ARHGAP42: variants seen among roughly 807,000 people sequenced by gnomAD.
The protein encoded by ARHGAP42 is Rho GTPase activating protein 42.
ARHGAP42 carries 63 observed loss-of-function variants against 125.0 expected under a neutral mutation model. The observed-to-expected ratio is 0.50, with a 90% CI of 0.41 to 0.62. The LOEUF (loss-of-function observed/expected upper bound fraction) is 0.62. Ranked by LOEUF, ARHGAP42 falls within the 20% of genes least tolerant of loss-of-function variation. The pLI, the probability that ARHGAP42 is intolerant of heterozygous loss-of-function variation, is 0.00. For synonymous variants in ARHGAP42, 339 were observed against 351.0 expected (o/e 0.97, Z 0.38); for missense variants, 766 against 1,024.2 (o/e 0.75, Z 3.44).
At chr11:100,952,733 G>GTTTTTTTTT (rs1857696882) in intron 12 of ARHGAP42, among the ~76,000 whole-genome samples, 1 of 21,322 alleles carries the variant, frequency 4.7e-5, no homozygotes. Flanking sequence ...CCTAAGTCAG[G>GTTTTTTTTT]CTTTTTTTTT....
At chr11:100,824,527 A>G (rs1864471275) in intron 3 of ARHGAP42, among the ~76,000 whole-genome samples, 1 of 152,220 alleles carries the variant, frequency 6.6e-6, no homozygotes, top group Non-Finnish European at 1.5e-5. Context: ...ATACGGATCT[A>G]GGAAGCACAT....
intron 11 of ARHGAP42, among the ~76,000 whole-genome samples, chr11:100,949,575 T>C (rs565679740): frequency 6.6e-6 from 1 of 152,186 alleles, no homozygotes; most frequent in African/African-American, 2.4e-5. Context: ...AAGCAGGAAA[T>C]TGGAAGAAGG....
intron 6 of ARHGAP42, among the ~76,000 whole-genome samples, chr11:100,927,790 C>T (rs1036939741): frequency 6.6e-6 from 1 of 152,176 alleles, no homozygotes; most frequent in Non-Finnish European, 1.5e-5. Flanking sequence ...TGACGCTTTT[C>T]AGTGCTGAGG....
At chr11:100,737,713 G>A (rs1156485935) in intron 1 of ARHGAP42, among the ~76,000 whole-genome samples, 1 of 152,182 alleles carries the variant, frequency 6.6e-6, no homozygotes, top group African/African-American at 2.4e-5. Context: ...TGACTTATTT[G>A]TTGAATGAAT....
chr11:100,701,047 T>A (rs1235245415), intron 1 of ARHGAP42, among the ~76,000 whole-genome samples: 1 of 152,232 alleles, frequency 6.6e-6, no homozygotes, highest in Non-Finnish European at 1.5e-5. Context: ...GTTGTGTTAG[T>A]TGGCATGAAA....
Position 100,939,286 on chromosome 11 carries a change from G to T in ARHGAP42, c.833-2498G>T, listed in dbSNP as rs1867815289. Among the ~76,000 whole-genome samples the T allele has an allele frequency of 2.0e-5, 3 of 151,982 alleles. No individual in the cohort carries two copies. In the South Asian group the frequency reaches 6.2e-4, roughly 32 times the overall value. On this transcript the variant is annotated intron_variant, in intron 8 of 23. Coordinates refer to ENST00000298815, the MANE Select transcript of ARHGAP42 (RefSeq NM_152432.4). ...ATAAAAGAGAGGGATTTAAACCCAT[G>T]TCATAATGATATTGCAAGAATTAGA...
intron 2 of ARHGAP42, among the ~76,000 whole-genome samples, chr11:100,771,480 T>C (rs115341153): frequency 1.3e-5 from 2 of 152,320 alleles, no homozygotes; most frequent in African/African-American, 2.4e-5. Context: ...AAAATATTTA[T>C]GTATATTTTA....
At chr11:100,939,475 C>G (rs752398214) in intron 8 of ARHGAP42, among the ~76,000 whole-genome samples, 5 of 151,682 alleles carry the variant, frequency 3.3e-5, no homozygotes, top group Non-Finnish European at 7.4e-5. Flanking sequence ...AGTCACATGC[C>G]CTATTGATGA....
intron 1 of ARHGAP42, among the ~76,000 whole-genome samples, chr11:100,750,469 C>G (rs969395600): frequency 7.3e-6 from 1 of 136,180 alleles, no homozygotes; most frequent in African/African-American, 2.8e-5. Flanking sequence ...GAGAATGAGT[C>G]AGGGCAGAGC....
chr11:100,867,173 T>C (rs188677192), intron 4 of ARHGAP42, among the ~76,000 whole-genome samples: 3 of 152,198 alleles, frequency 2.0e-5, no homozygotes, highest in African/African-American at 4.8e-5. Context: ...AATGGTAAAT[T>C]AGCATTGGCT....
chr11:100,813,626 G>C (rs1210067365), intron 3 of ARHGAP42, among the ~76,000 whole-genome samples: 1 of 152,150 alleles, frequency 6.6e-6, no homozygotes, highest in African/African-American at 2.4e-5. Context: ...GAGCTCCTTT[G>C]ACTCTCCAGG....
At chr11:100,856,270 C>A (rs1011118574) in intron 3 of ARHGAP42, among the ~76,000 whole-genome samples, 1 of 151,988 alleles carries the variant, frequency 6.6e-6, no homozygotes, top group Non-Finnish European at 1.5e-5. Flanking sequence ...GGTTTCCTAC[C>A]CTTTATATGA....
chr11:100,691,123 A>G (rs937590396), intron 1 of ARHGAP42, among the ~76,000 whole-genome samples: 1 of 152,200 alleles, frequency 6.6e-6, no homozygotes, highest in Non-Finnish European at 1.5e-5. Flanking sequence ...TATATGCCAC[A>G]TAGATATTTT....
At chr11:100,705,392 C>A (rs752573304) in intron 1 of ARHGAP42, among the ~76,000 whole-genome samples, 36 of 152,330 alleles carry the variant, frequency 2.4e-4, no homozygotes, top group Non-Finnish European at 4.1e-4. Context: ...CTTTTCAATT[C>A]TAGGTCTGCG....
chr11:100,933,817 T>A (rs1565282887), intron 7 of ARHGAP42, among the ~76,000 whole-genome samples: 1 of 152,058 alleles, frequency 6.6e-6, no homozygotes, highest in Non-Finnish European at 1.5e-5. Context: ...AAGATGGAGC[T>A]TCGCTCGTCA....
chr11:100,782,713 A>C (rs974863152), intron 2 of ARHGAP42, among the ~76,000 whole-genome samples: 1 of 152,162 alleles, frequency 6.6e-6, no homozygotes, highest in Non-Finnish European at 1.5e-5. Context: ...CAAGGATAGA[A>C]TTCAGGATAG....
intron 4 of ARHGAP42, among the ~76,000 whole-genome samples, chr11:100,884,589 C>T (rs1866040759): frequency 6.6e-6 from 1 of 152,034 alleles, no homozygotes; most frequent in Non-Finnish European, 1.5e-5. Flanking sequence ...GATGAAGTCA[C>T]CAACATGAAA....
chr11:100,708,015 C>T (rs1220278703), intron 1 of ARHGAP42, among the ~76,000 whole-genome samples: 1 of 152,168 alleles, frequency 6.6e-6, no homozygotes, highest in African/African-American at 2.4e-5. Context: ...TACTTATTGA[C>T]CACCTACTAC....
At chr11:100,863,008 G>T (rs1363746971) in intron 4 of ARHGAP42, among the ~76,000 whole-genome samples, 2 of 137,320 alleles carry the variant, frequency 1.5e-5, no homozygotes, top group Non-Finnish European at 3.0e-5. Context: ...TTTCACTGCA[G>T]CCTGGGTAAC....
Sources: allele counts gnomAD v4.1 joint callset (sites outside exome capture counted in the v4.1 genomes callset), GRCh38; gene constraint gnomAD v4.1.1; transcripts MANE v1.5; gene names NCBI Gene and HGNC (gene_info 2026-07-23, HGNC 2026-07-21).